PGPEP1: variants seen among roughly 807,000 people sequenced by gnomAD.
PGPEP1 encodes pyroglutamyl-peptidase 1.
In PGPEP1, 15 loss-of-function variants were observed where a neutral mutation model predicts 24.1. That is an observed-to-expected ratio of 0.62 (90% CI 0.42 to 0.96). The LOEUF (loss-of-function observed/expected upper bound fraction) is 0.96. Among genes scored for constraint, PGPEP1 ranks in the 40% least tolerant of loss-of-function variants. The probability of loss-of-function intolerance (pLI) is 0.00; values close to 1 mark genes in which losing one functional copy is unlikely to be tolerated. For synonymous variants in PGPEP1, 122 were observed against 116.4 expected, an observed-to-expected ratio of 1.05 and a Z score of -0.31; for missense variants, 242 against 273.4, an observed-to-expected ratio of 0.89 and a Z score of 0.81.
At chr19:18,351,580 C>T (rs986843490) in intron 2 of PGPEP1, among the ~76,000 whole-genome samples, 7 of 149,908 alleles carry the variant, frequency 4.7e-5, no homozygotes, top group African/African-American at 7.4e-5. Context: ...GCCGAAATCC[C>T]GCCATTGCAC....
intron 4 of PGPEP1, among the ~76,000 whole-genome samples, chr19:18,360,755 C>G (rs1435107016): frequency 6.7e-6 from 1 of 148,586 alleles, no homozygotes; most frequent in Non-Finnish European, 1.5e-5. Flanking sequence ...GAACTCCTGA[C>G]CTCAGGTGAT....
chr19:18,352,266 C>CAAAAAAAAAAAAAAAAAAAA lies in PGPEP1; in HGVS notation c.88-3627_88-3608dup, dbSNP rs60299417. On this transcript the variant is annotated intron_variant, in intron 2 of 4. Transcript: ENST00000269919. ...TGGGTGACAGAGCGAGACTCCGTCT[C>CAAAAAAAAAAAAAAAAAAAA]AAAAAAAAAAAAAAAAAAAAATTAG... Among the ~76,000 whole-genome samples, 19 of 43,652 alleles carry CAAAAAAAAAAAAAAAAAAAA rather than the reference C, an allele frequency of 4.4e-4. 2 individuals are homozygous for CAAAAAAAAAAAAAAAAAAAA. Among genetic ancestry groups the CAAAAAAAAAAAAAAAAAAAA allele is most frequent in the Non-Finnish European group, 6.1e-4 (14 of 23,114 alleles). 28.6% of individuals were successfully genotyped at this position (43,652 alleles called of 152,430 possible). A position where few individuals can be genotyped will look rare whatever the true frequency, so the allele number is the denominator to read the frequency against.
In PGPEP1 at chr19:18,351,077, T is replaced by G. The variant is rs141193544; in HGVS notation, c.88-4818T>G. Reference sequence around the variant, plus strand: ...TCATGAGGTCAGGAGATGGAGACCATCCTGGCCAACATGGTGAAACCCCGT... The same window carrying G: ...TCATGAGGTCAGGAGATGGAGACCAGCCTGGCCAACATGGTGAAACCCCGT... On this transcript the variant is annotated intron_variant, in intron 2 of 4. Coordinates refer to ENST00000269919, the MANE Select transcript of PGPEP1 (RefSeq NM_017712.4). Among the ~76,000 whole-genome samples, 560 of 152,188 alleles carry G rather than the reference T, an allele frequency of 3.7e-3. 4 individuals are homozygous for G. The highest frequency in any genetic ancestry group is 0.012 in the African/African-American group (516 of 41,536).
chr19:18,348,120 C>T (rs780466334), intron 2 of PGPEP1, among the ~76,000 whole-genome samples: 3 of 152,032 alleles, frequency 2.0e-5, no homozygotes, highest in Non-Finnish European at 4.4e-5. Flanking sequence ...CCATGTGTCT[C>T]GTGTGTCCCG....
At position 18,340,645 on chromosome 19, in the gene PGPEP1, C is replaced by T; in HGVS notation, c.-37C>T. On this transcript the variant is annotated 5_prime_UTR_variant, in exon 1 of 5. Coordinates refer to ENST00000269919, the MANE Select transcript of PGPEP1 (RefSeq NM_017712.4). ...GCGGCAGCAGCTGTCGCGCCAGTCG[C>T]AACAGAAGCAGGTCCGAGGCACAGC... The T allele has an allele frequency of 6.6e-7, 1 of 1,525,546 alleles. No homozygotes were observed. The highest frequency in any genetic ancestry group is 8.8e-7 in the Non-Finnish European group (1 of 1,140,186). The allele number at this position is 1,525,546 out of a possible 1,614,324, so 94.5% of individuals were successfully genotyped here. A position where few individuals can be genotyped will look rare whatever the true frequency, so the allele number is the denominator to read the frequency against.
At position 18,365,342 on chromosome 19, in the gene PGPEP1, T is replaced by C. The variant is rs1218830634; in HGVS notation, c.*1759T>C. The C allele has an allele frequency of 6.6e-6, 1 of 152,210 alleles. No individual in the cohort carries two copies. Among genetic ancestry groups the C allele is most frequent in the African/African-American group, 2.4e-5 (1 of 41,374 alleles). The allele number at this position is 152,210 out of a possible 1,614,324, so 9.4% of individuals were successfully genotyped here. ...GTTGGTTTCCCAACATCTAGGTTTT[T>C]GTTTGTTTGTTTGTTTTTATGATAG... On this transcript the variant is annotated 3_prime_UTR_variant, in exon 5 of 5. Transcript: ENST00000269919.
In PGPEP1 at chr19:18,363,776, A is replaced by AT. The variant is rs916151500; in HGVS notation, c.*202dup. The AT allele has an allele frequency of 2.6e-4, 127 of 489,738 alleles. No individual in the cohort carries two copies. The highest frequency in any genetic ancestry group is 3.3e-4 in the Non-Finnish European group (91 of 277,602). 30.3% of individuals were successfully genotyped at this position (489,738 alleles called of 1,614,324 possible). A position where few individuals can be genotyped will look rare whatever the true frequency, so the allele number is the denominator to read the frequency against. On this transcript the variant is annotated 3_prime_UTR_variant, in exon 5 of 5. Transcript: ENST00000269919. ...GGTTGATTCGAGGGAAGTGGTGAAA[A>AT]TTTTTTTTTCTCCCATTTTCCTCCC...
At chr19:18,362,510 C>T (rs997045041) in intron 4 of PGPEP1, among the ~76,000 whole-genome samples, 3 of 152,070 alleles carry the variant, frequency 2.0e-5, no homozygotes, top group Middle Eastern at 3.4e-3. Context: ...CGGATCACTA[C>T]AGGTCAGGAG....
intron 2 of PGPEP1, among the ~76,000 whole-genome samples, chr19:18,352,399 A>T (rs1023404700): frequency 1.3e-5 from 2 of 151,044 alleles, no homozygotes; most frequent in Admixed American, 6.6e-5. Context: ...AGACAAGATC[A>T]TACTACTGAA....
chr19:18,342,019 T>C (rs1265087594), intron 1 of PGPEP1, among the ~76,000 whole-genome samples: 1 of 152,092 alleles, frequency 6.6e-6, no homozygotes, highest in African/African-American at 2.4e-5. Context: ...GCGATTCTCC[T>C]GCCTCAGCCT....
At chr19:18,342,810 C>A in intron 1 of PGPEP1, 49 bp from the exon 2 acceptor site, 1 of 1,467,090 alleles carries the variant, frequency 6.8e-7, no homozygotes, top group Non-Finnish European at 9.6e-7. Flanking sequence ...CAGGGGCAGA[C>A]TGGGAAGGGC....
chr19:18,351,808 T>C (rs1331943482), intron 2 of PGPEP1, among the ~76,000 whole-genome samples: 1 of 151,586 alleles, frequency 6.6e-6, no homozygotes, highest in East Asian at 1.9e-4. Context: ...ATTTCTCAGG[T>C]GTGTGAATAA....
chr19:18,355,805 A>G (rs1037773036), intron 2 of PGPEP1, 90 bp from the exon 3 acceptor site: 5 of 795,434 alleles, frequency 6.3e-6, no homozygotes, highest in African/African-American at 5.1e-5. Flanking sequence ...ATGAGTCTGG[A>G]GAACGCCTGT....
At chr19:18,361,316 T>G (rs1209151224) in intron 4 of PGPEP1, among the ~76,000 whole-genome samples, 2 of 151,976 alleles carry the variant, frequency 1.3e-5, no homozygotes, top group Admixed American at 6.6e-5. Context: ...TTTTGTATTT[T>G]TAGTTGAGAT....
intron 4 of PGPEP1, among the ~76,000 whole-genome samples, chr19:18,359,728 G>A (rs1349199155): frequency 2.0e-5 from 3 of 152,004 alleles, no homozygotes; most frequent in Admixed American, 2.0e-4. Flanking sequence ...CACCAGGGTG[G>A]TCTCGAACTC....
intron 2 of PGPEP1, among the ~76,000 whole-genome samples, chr19:18,346,633 C>CTTTTTTTTTT (rs775309565): frequency 1.4e-4 from 11 of 79,472 alleles, no homozygotes; most frequent in South Asian, 5.8e-4. Context: ...CTGTTTCTCT[C>CTTTTTTTTTT]TTTTTTTTTT....
chr19:18,347,229 G>C (rs11879615), intron 2 of PGPEP1, among the ~76,000 whole-genome samples: 8,904 of 146,218 alleles, frequency 0.061, 946 homozygotes, highest in African/African-American at 0.21. Flanking sequence ...CTACAGGCAT[G>C]CACCACCACA....
At chr19:18,360,651 A>G (rs1971319800) in intron 4 of PGPEP1, among the ~76,000 whole-genome samples, 2 of 151,942 alleles carry the variant, frequency 1.3e-5, no homozygotes, top group South Asian at 4.2e-4. Context: ...CAGCCTCCTG[A>G]GTAGCTGGGA....
chr19:18,344,061 A>C (rs1245133781), intron 2 of PGPEP1, among the ~76,000 whole-genome samples: 1 of 152,124 alleles, frequency 6.6e-6, no homozygotes, highest in Non-Finnish European at 1.5e-5. Context: ...GAACAGCCAA[A>C]GTGAGAATTC....
Sources: allele counts gnomAD v4.1 joint callset (sites outside exome capture counted in the v4.1 genomes callset), GRCh38; gene constraint gnomAD v4.1.1; transcripts MANE v1.5; gene names NCBI Gene and HGNC (gene_info 2026-07-23, HGNC 2026-07-21).